Variants in WFDC1 observed in about 807,000 individuals in gnomAD.
WFDC1 encodes WAP four-disulfide core domain protein 1.
A neutral mutation model predicts 32.9 loss-of-function variants in WFDC1; 39 were observed. The ratio of observed to expected loss-of-function variants is 1.19; its 90% CI spans 0.92 to 1.55. WFDC1 has a LOEUF of 1.55. WFDC1 is among the 40% of genes most tolerant of loss of function. The pLI is 0.00. For missense variants in WFDC1, 386 were observed against 309.5 expected, an observed-to-expected ratio of 1.25 and a Z score of -1.85; for synonymous variants, 184 against 137.4, an observed-to-expected ratio of 1.34 and a Z score of -2.37.
chr16:84,304,661 C>G (rs1314511912), intron 1 of WFDC1, among the ~76,000 whole-genome samples: 3 of 152,216 alleles, frequency 2.0e-5, no homozygotes, highest in Non-Finnish European at 4.4e-5. Context: ...AAAATAAAAG[C>G]TGGAAATCAC....
At chr16:84,317,628 C>T (rs541850294) in intron 2 of WFDC1, 1 of 152,968 alleles carries the variant, frequency 6.5e-6, no homozygotes, top group South Asian at 2.1e-4. Flanking sequence ...GTACACCAAA[C>T]TTCACCCATA....
At chr16:84,305,455 A>G (rs534824391) in intron 1 of WFDC1, among the ~76,000 whole-genome samples, 90 of 152,284 alleles carry the variant, frequency 5.9e-4, no homozygotes, top group African/African-American at 2.2e-3. Context: ...AGAAATGATG[A>G]GGTTATATCC....
At chr16:84,322,694 A>G (rs1352709265) in intron 4 of WFDC1, among the ~76,000 whole-genome samples, 1 of 152,234 alleles carries the variant, frequency 6.6e-6, no homozygotes, top group Non-Finnish European at 1.5e-5. Context: ...TTGACCATCC[A>G]GCACCTGGAA....
chr16:84,300,617 T>C (rs1293793602), intron 1 of WFDC1, among the ~76,000 whole-genome samples: 1 of 152,190 alleles, frequency 6.6e-6, no homozygotes, highest in Admixed American at 6.5e-5. Flanking sequence ...TTAGTCAAAA[T>C]AAGATGAAGT....
intron 3 of WFDC1, 80 bp downstream of exon 3, chr16:84,318,435 C>G (rs1324395234): frequency 1.4e-6 from 2 of 1,403,330 alleles, no homozygotes; most frequent in Non-Finnish European, 2.0e-6. Flanking sequence ...GCTGGCAGCA[C>G]CAGGCCGGCT....
chr16:84,317,343 GTAAA>G (rs1908021816), intron 2 of WFDC1: 2 of 124,060 alleles, frequency 1.6e-5, no homozygotes, highest in African/African-American at 3.3e-5. Flanking sequence ...TAAATAAGAA[GTAAA>G]TAAATAAATA....
intron 3 of WFDC1, 95 bp downstream of exon 3, chr16:84,318,450 C>G (rs1908094172): frequency 4.2e-6 from 5 of 1,204,034 alleles, no homozygotes; most frequent in Non-Finnish European, 4.8e-6. Flanking sequence ...CCGGCTGTCC[C>G]CCATGCACGG....
In WFDC1 at chr16:84,326,802, G is replaced by A. The variant is rs553880551; in HGVS notation, c.605-80G>A. 5.8e-6 allele frequency: 9 copies of A among 1,558,714 alleles called. No homozygotes were observed. In the East Asian group the frequency reaches 2.0e-4, roughly 35 times the overall value. ...AGGGCCAGGTCACCAGGCTTCATTTGGCAGTTCCTGGTGAGCCACGGGGGG... is the reference window on the plus strand; with the variant it reads ...AGGGCCAGGTCACCAGGCTTCATTTAGCAGTTCCTGGTGAGCCACGGGGGG... On this transcript the variant is annotated intron_variant, in intron 5 of 6. Coordinates refer to ENST00000219454, the MANE Select transcript of WFDC1 (RefSeq NM_021197.4).
At chr16:84,297,660 G>T in intron 1 of WFDC1, among the ~76,000 whole-genome samples, 1 of 139,308 alleles carries the variant, frequency 7.2e-6, no homozygotes, top group African/African-American at 2.7e-5. Flanking sequence ...GTGCCTCAGA[G>T]AAAGCCCTGG....
At chr16:84,312,101 G>A (rs62050692) in intron 1 of WFDC1, among the ~76,000 whole-genome samples, 1,712 of 152,260 alleles carry the variant, frequency 0.011, 27 homozygotes, top group African/African-American at 0.039. Context: ...GGAGGTGGAG[G>A]TTGTGGTGAG....
chr16:84,324,434 G>A lies in WFDC1; in HGVS notation c.578G>A (p.Arg193Gln), dbSNP rs370380475. 2.6e-5 allele frequency: 42 copies of A among 1,613,596 alleles called. No homozygotes were observed. Among genetic ancestry groups the A allele is most frequent in the African/African-American group, 4.0e-5 (3 of 74,878 alleles). The change falls in exon 5 of 7, where the codon CGA becomes CAA. Residue 193 changes from arginine (R) to glutamine (Q), a missense_variant. Physicochemically the swap from Arg to Gln is conservative, Grantham distance 43 (BLOSUM62 1). Coordinates refer to ENST00000219454, the MANE Select transcript of WFDC1 (RefSeq NM_021197.4). ...QRRQADGRIL[R>Q]HKLYKEYPEG... ...TGTTTTCCAGATGGGCGAATCCTAC[G>A]ACACAAACTTTACAAAGAATATCCA... is the stretch of plus-strand genomic sequence containing the variant.
intron 1 of WFDC1, among the ~76,000 whole-genome samples, chr16:84,300,622 T>C (rs1214359622): frequency 6.6e-6 from 1 of 152,212 alleles, no homozygotes; most frequent in Non-Finnish European, 1.5e-5. Flanking sequence ...CAAAATAAGA[T>C]GAAGTCATGC....
At chr16:84,324,270 A>T (rs1345754290) in intron 4 of WFDC1, 149 bp from the exon 5 acceptor site, 1 of 674,094 alleles carries the variant, frequency 1.5e-6, no homozygotes, top group African/African-American at 1.8e-5. Context: ...GAGACATTAC[A>T]AATGCTCATG....
chr16:84,301,261 C>T (rs8047797), intron 1 of WFDC1, among the ~76,000 whole-genome samples: 43,591 of 152,082 alleles, frequency 0.29, 6,430 homozygotes, highest in East Asian at 0.33. Context: ...AAGCCCCCAG[C>T]GTGTGGCATT....
intron 4 of WFDC1, among the ~76,000 whole-genome samples, chr16:84,322,604 G>A (rs1908373116): frequency 6.6e-6 from 1 of 152,178 alleles, no homozygotes; most frequent in Admixed American, 6.5e-5. Flanking sequence ...TTGAGAGTAA[G>A]CGACAGGCCC....
At chr16:84,297,848 T>A (rs753311696) in intron 1 of WFDC1, among the ~76,000 whole-genome samples, 1 of 152,106 alleles carries the variant, frequency 6.6e-6, no homozygotes, top group Non-Finnish European at 1.5e-5. Flanking sequence ...ATGACTTTCA[T>A]GGCCCTTTCG....
At position 84,325,317 on chromosome 16, in the gene WFDC1, G is replaced by A. The variant is rs146802839; in HGVS notation, c.604+857G>A. Among the ~76,000 whole-genome samples the A allele has an allele frequency of 8.6e-5, 13 of 151,380 alleles. No individual in the cohort carries two copies. In the South Asian group the frequency reaches 1.5e-3, roughly 17 times the overall value. On this transcript the variant is annotated intron_variant, in intron 5 of 6. Transcript: ENST00000219454. ...TCCTGGGTTCAAGCAGTTCTCCTGC[G>A]TCAGCCTCCCAAATAGCTGGGATTA...
chr16:84,304,460 T>G (rs1907128810), intron 1 of WFDC1, among the ~76,000 whole-genome samples: 1 of 152,146 alleles, frequency 6.6e-6, no homozygotes, highest in South Asian at 2.1e-4. Flanking sequence ...ACTCCTGACC[T>G]CAGGTGATCC....
rs1187161234 is a variant in WFDC1, at chr16:84,319,465, AC to A, written c.460del (p.Leu154CysfsTer12). On this transcript the variant is annotated frameshift_variant, in exon 4 of 7. Transcript: ENST00000219454. LOFTEE classifies it high-confidence loss of function. ...ACSTTEDGAE[P>X]LLCPSGYECH... ...GCAGCACCACGGAGGATGGGGCCGA[AC>A]CCCTGCTCTGTCCCTCGGGCTATGA... The A allele has an allele frequency of 1.2e-6, 2 of 1,611,828 alleles. No individual in the cohort carries two copies. The highest frequency in any genetic ancestry group is 2.7e-5 in the African/African-American group (2 of 74,848).
Sources: gnomAD v4.1 joint callset for allele counts (sites outside exome capture counted in the v4.1 genomes callset) on GRCh38, gnomAD v4.1.1 for gene constraint, MANE v1.5 for transcripts, NCBI Gene and HGNC (gene_info 2026-07-23, HGNC 2026-07-21) for gene names.